Variants in HCK observed in about 807,000 individuals in gnomAD.
HCK encodes HCK proto-oncogene, Src family tyrosine kinase.
In HCK, 40 loss-of-function variants were observed where a neutral mutation model predicts 70.4. That is an observed-to-expected ratio of 0.57 (90% confidence interval 0.44 to 0.74). HCK has a LOEUF of 0.74. Among genes scored for constraint, HCK ranks in the 30% least tolerant of loss-of-function variants. The pLI is 0.00. For synonymous variants in HCK, 245 were observed against 263.2 expected, an observed-to-expected ratio of 0.93 and a Z score of 0.67; for missense variants, 568 against 697.2, an observed-to-expected ratio of 0.81 and a Z score of 2.09.
Position 32,074,712 on chromosome 20 carries a change from A to T in HCK, c.419A>T (p.Glu140Val). 1 of 1,611,358 alleles carries T rather than the reference A, an allele frequency of 6.2e-7. No homozygotes were observed. The highest frequency in any genetic ancestry group is 8.5e-7 in the Non-Finnish European group (1 of 1,177,510). The change falls in exon 5 of 13, where the codon GAG becomes GTG. Residue 140 changes from glutamate (E) to valine (V), a missense_variant. Physicochemically the swap from Glu to Val is moderately radical, Grantham distance 121. This residue lies in a region of HCK where 318 missense variants were observed against 336.0 expected (regional missense o/e 0.95). Transcript: ENST00000375852. ...TATGTCGCCCGCGTTGACTCTCTGG[A>T]GACAGAGGAGTAAGTATCCTATTTC...
rs1245758728 is a variant in HCK at position 32,088,943 on chromosome 20, C to A, written c.1092+299C>A. ...TTATTTCTCATGATCCTGTGGGTTG[C>A]CTGGGTTCAGCTGGGTGGTTCTTCT... On this transcript the variant is annotated intron_variant, in intron 10 of 12. Coordinates refer to ENST00000375852, the MANE Select transcript of HCK (RefSeq NM_002110.5). 2.0e-5 allele frequency among the ~76,000 whole-genome samples: 3 copies of A among 152,148 alleles called. No homozygotes were observed. In the East Asian group the frequency reaches 5.8e-4, roughly 29 times the overall value.
At chr20:32,058,682 G>A (rs2045315047) in intron 1 of HCK, among the ~76,000 whole-genome samples, 1 of 151,602 alleles carries the variant, frequency 6.6e-6, no homozygotes. Context: ...CTTAGTTTGA[G>A]TTTCTCCAGA....
intron 6 of HCK, among the ~76,000 whole-genome samples, chr20:32,082,240 A>G (rs1007899119): frequency 6.6e-6 from 1 of 152,126 alleles, no homozygotes; most frequent in Admixed American, 6.5e-5. Flanking sequence ...ATTATAATTT[A>G]TATAGTTATA....
chr20:32,052,586 G>A, intron 1 of HCK, 100 bp downstream of exon 1: 1 of 882,360 alleles, frequency 1.1e-6, no homozygotes, highest in Non-Finnish European at 1.5e-6. Flanking sequence ...TACGGGTGCG[G>A]CTGGGGGCAG....
chr20:32,063,725 A>G (rs2045413679), intron 1 of HCK, among the ~76,000 whole-genome samples: 2 of 151,880 alleles, frequency 1.3e-5, no homozygotes, highest in Admixed American at 6.6e-5. Flanking sequence ...GCAAATCACA[A>G]TCCCTTATAA....
At chr20:32,071,814 G>A (rs746519685) in intron 2 of HCK, 32 bp downstream of exon 2, 1 of 1,605,840 alleles carries the variant, frequency 6.2e-7, no homozygotes. Context: ...TTCCCTGGGG[G>A]CTGACGGATG....
At chr20:32,060,625 A>G (rs1448504237) in intron 1 of HCK, among the ~76,000 whole-genome samples, 1 of 152,212 alleles carries the variant, frequency 6.6e-6, no homozygotes, top group Non-Finnish European at 1.5e-5. Flanking sequence ...CTCATATCCT[A>G]TTGGTCAGAT....
At chr20:32,080,641 G>T (rs907105696) in intron 6 of HCK, among the ~76,000 whole-genome samples, 2 of 152,062 alleles carry the variant, frequency 1.3e-5, no homozygotes, top group Admixed American at 1.3e-4. Flanking sequence ...CTACAGGTAC[G>T]TGCCACCATG....
chr20:32,067,115 T>A (rs1352039277), intron 1 of HCK, among the ~76,000 whole-genome samples: 1 of 152,246 alleles, frequency 6.6e-6, no homozygotes, highest in Non-Finnish European at 1.5e-5. Context: ...TTGATGTACA[T>A]GTTTGCAGTT....
chr20:32,081,404 C>G (rs1215887633), intron 6 of HCK, among the ~76,000 whole-genome samples: 2 of 152,214 alleles, frequency 1.3e-5, no homozygotes, highest in Non-Finnish European at 2.9e-5. Flanking sequence ...AAGGAATGAA[C>G]ATCAGTAGGA....
Position 32,094,030 on chromosome 20 carries a change from C to A in HCK, c.1246+14C>A. 1.2e-6 allele frequency: 2 copies of A among 1,606,950 alleles called. No individual in the cohort carries two copies. The highest frequency in any genetic ancestry group is 8.5e-7 in the Non-Finnish European group (1 of 1,177,068). On this transcript the variant is annotated intron_variant, in intron 11 of 12. Coordinates refer to ENST00000375852, the MANE Select transcript of HCK (RefSeq NM_002110.5). ...CGGCTCGGGAAGGTAGGGAACGCTG[C>A]CAAGCAGCCCCACGTTGCCCATTTG...
At chr20:32,059,279 T>TCTTCCTTCCTTCCTTCCTTC (rs11272727) in intron 1 of HCK, among the ~76,000 whole-genome samples, 5,225 of 146,016 alleles carry the variant, frequency 0.036, 299 homozygotes, top group African/African-American at 0.12. Context: ...AATGTTTTAA[T>TCTTCCTTCCTTCCTTCCTTC]CTTCCTTCCT....
At chr20:32,056,696 C>A (rs887043064) in intron 1 of HCK, among the ~76,000 whole-genome samples, 1 of 152,080 alleles carries the variant, frequency 6.6e-6, no homozygotes, top group Admixed American at 6.6e-5. Flanking sequence ...GTACAGAAAG[C>A]ACGAATCTTA....
chr20:32,060,218 T>C (rs2045347855), intron 1 of HCK, among the ~76,000 whole-genome samples: 1 of 152,108 alleles, frequency 6.6e-6, no homozygotes, highest in African/African-American at 2.4e-5. Flanking sequence ...GGTTTTCTTT[T>C]TGTTTGTTTG....
chr20:32,073,952 C>T lies in HCK; in HGVS notation c.329+134C>T, dbSNP rs887801312. 3 of 614,920 alleles carry T rather than the reference C, an allele frequency of 4.9e-6. No homozygotes were observed. In the African/African-American group the frequency reaches 5.5e-5, roughly 11 times the overall value. 38.1% of individuals were successfully genotyped at this position (614,920 alleles called of 1,614,324 possible). A position where few individuals can be genotyped will look rare whatever the true frequency, so the allele number is the denominator to read the frequency against. ...TATAAATGTCTAATGAGAAGCTAAT[C>T]ACAATAGTGGAGGAAGGGTTTGCTG... On this transcript the variant is annotated intron_variant, in intron 4 of 12. Coordinates refer to ENST00000375852, the MANE Select transcript of HCK (RefSeq NM_002110.5).
chr20:32,059,426 TTTC>T (rs1232751280), intron 1 of HCK, among the ~76,000 whole-genome samples: 5 of 149,418 alleles, frequency 3.3e-5, no homozygotes, highest in Admixed American at 6.7e-5. Context: ...TCTCTCTTTC[TTTC>T]TTTTTTCTTT....
chr20:32,096,575 C>T (rs1211228472), intron 11 of HCK, among the ~76,000 whole-genome samples: 1 of 151,480 alleles, frequency 6.6e-6, no homozygotes, highest in African/African-American at 2.4e-5. Context: ...GATCATAGCT[C>T]ACTGTAGCCT....
At chr20:32,074,338 A>T (rs927006375) in intron 4 of HCK, among the ~76,000 whole-genome samples, 1 of 152,190 alleles carries the variant, frequency 6.6e-6, no homozygotes, top group African/African-American at 2.4e-5. Context: ...GGTATAGCTA[A>T]TAAGACCAAA....
chr20:32,094,095 AT>A, intron 11 of HCK, 79 bp downstream of exon 11: 1 of 1,384,600 alleles, frequency 7.2e-7, no homozygotes, highest in Non-Finnish European at 1.0e-6. Context: ...TGTGAGAGCG[AT>A]TGGTAAAATG....
Sources: allele counts gnomAD v4.1 joint callset (sites outside exome capture counted in the v4.1 genomes callset), GRCh38; gene constraint gnomAD v4.1.1; regional missense constraint gnomAD v4.1.1; transcripts MANE v1.5; gene names NCBI Gene and HGNC (gene_info 2026-07-23, HGNC 2026-07-21).